Variants in GRIN2A observed in about 807,000 individuals in gnomAD.
GRIN2A encodes the protein glutamate receptor ionotropic, NMDA 2A.
GRIN2A carries 22 observed loss-of-function variants against 113.4 expected under a neutral mutation model. The ratio of observed to expected loss-of-function variants is 0.19; its 90% CI spans 0.14 to 0.28. GRIN2A has a LOEUF of 0.28. Ranked by LOEUF, GRIN2A falls within the 10% of genes least tolerant of loss-of-function variation. The pLI is 1.00. For missense variants in GRIN2A, 1,502 were observed against 1,887.0 expected (o/e 0.80, Z 3.78); for synonymous variants, 827 against 738.4 (o/e 1.12, Z -1.94).
At chr16:9,864,273 C>T (rs966156560) in intron 4 of GRIN2A, among the ~76,000 whole-genome samples, 3 of 152,008 alleles carry the variant, frequency 2.0e-5, no homozygotes, top group South Asian at 2.1e-4. Context: ...AGCAAACTTG[C>T]CAATAAGAGT....
intron 2 of GRIN2A, among the ~76,000 whole-genome samples, chr16:10,019,384 C>T (rs914635155): frequency 1.3e-5 from 2 of 152,142 alleles, no homozygotes; most frequent in Non-Finnish European, 2.9e-5. Context: ...CACAGTCTGG[C>T]ATACAGCAGA....
In GRIN2A at chr16:9,908,755, C is replaced by G. The variant is rs367956265; in HGVS notation, c.1008-17655G>C. Among the ~76,000 whole-genome samples, 80 of 152,292 alleles carry G rather than the reference C, an allele frequency of 5.3e-4. 2 individuals carry two copies. In the South Asian group the frequency reaches 0.016, roughly 30 times the overall value. ...GTGGGAGGAGATCCTCACGTCAGTA[C>G]GATGAGAGCAAGAGAGAGTGGCAAG... On this transcript the variant is annotated intron_variant, in intron 3 of 12. Coordinates refer to ENST00000330684, the MANE Select transcript of GRIN2A (RefSeq NM_001134407.3).
At chr16:10,179,733 T>A in intron 2 of GRIN2A, 1 of 521,910 alleles carries the variant, frequency 1.9e-6, no homozygotes, top group East Asian at 3.4e-5. Context: ...AGCCTACTTC[T>A]CAGTTTTCTG....
chr16:10,146,926 A>G (rs2049452452), intron 2 of GRIN2A, among the ~76,000 whole-genome samples: 1 of 152,036 alleles, frequency 6.6e-6, no homozygotes, highest in Non-Finnish European at 1.5e-5. Flanking sequence ...CCCTCTTGCT[A>G]CTACCTACAC....
chr16:10,157,865 G>GT (rs1555488703), intron 2 of GRIN2A, among the ~76,000 whole-genome samples: 2 of 151,762 alleles, frequency 1.3e-5, no homozygotes, highest in South Asian at 2.1e-4. Context: ...TTTATTTTTG[G>GT]TTTTTTTACT....
chr16:9,856,885 AC>A (rs1296014682), intron 4 of GRIN2A, among the ~76,000 whole-genome samples: 1 of 152,040 alleles, frequency 6.6e-6, no homozygotes, highest in Non-Finnish European at 1.5e-5. Flanking sequence ...TTTCTGCTGA[AC>A]AAAAAAAAAA....
intron 2 of GRIN2A, among the ~76,000 whole-genome samples, chr16:10,142,692 C>T (rs1596548461): frequency 1.3e-5 from 2 of 152,334 alleles, no homozygotes; most frequent in South Asian, 4.1e-4. Context: ...GAGCAAGACT[C>T]TGTCTCTAAA....
At chr16:9,972,974 T>C (rs919127127) in intron 2 of GRIN2A, among the ~76,000 whole-genome samples, 1 of 152,200 alleles carries the variant, frequency 6.6e-6, no homozygotes, top group African/African-American at 2.4e-5. Context: ...GGAGTTCTGA[T>C]TGGCTGTCTG....
intron 2 of GRIN2A, among the ~76,000 whole-genome samples, chr16:10,134,597 G>A (rs1345326670): frequency 6.6e-6 from 1 of 152,056 alleles, no homozygotes; most frequent in Non-Finnish European, 1.5e-5. Context: ...TGCACATTGT[G>A]CACATGTACC....
chr16:9,931,816 CAT>C (rs1347389730), intron 3 of GRIN2A, among the ~76,000 whole-genome samples: 2 of 152,318 alleles, frequency 1.3e-5, no homozygotes, highest in African/African-American at 4.8e-5. Context: ...TACCCATGTA[CAT>C]ATATGTGTGC....
At chr16:9,839,635 T>C (rs2042639380) in intron 7 of GRIN2A, among the ~76,000 whole-genome samples, 2 of 152,196 alleles carry the variant, frequency 1.3e-5, no homozygotes, top group African/African-American at 4.8e-5. Flanking sequence ...GGATGGAGGA[T>C]GGATATGTAG....
chr16:10,097,853 C>T (rs186661218), intron 2 of GRIN2A, among the ~76,000 whole-genome samples: 8 of 152,214 alleles, frequency 5.3e-5, no homozygotes, highest in South Asian at 4.2e-4. Flanking sequence ...GAAGGTAACA[C>T]GGGAAAATCC....
At chr16:9,783,195 T>C (rs1902030014) in intron 11 of GRIN2A, among the ~76,000 whole-genome samples, 1 of 152,220 alleles carries the variant, frequency 6.6e-6, no homozygotes, top group Non-Finnish European at 1.5e-5. Flanking sequence ...GGAGCAATAA[T>C]GAAATCCACA....
chr16:9,788,171 CCTT>C (rs1355126855), intron 11 of GRIN2A, among the ~76,000 whole-genome samples: 7 of 152,172 alleles, frequency 4.6e-5, no homozygotes, highest in Admixed American at 1.3e-4. Context: ...CTCTCCCACT[CCTT>C]CTTTCTTTGC....
At chr16:9,885,524 A>G (rs1192892113) in intron 4 of GRIN2A, among the ~76,000 whole-genome samples, 2 of 152,220 alleles carry the variant, frequency 1.3e-5, no homozygotes, top group South Asian at 2.1e-4. Context: ...CCAGCCACCT[A>G]CAAAGGCCTG....
At chr16:9,766,976 G>A (rs1305658009) in intron 12 of GRIN2A, among the ~76,000 whole-genome samples, 1 of 152,174 alleles carries the variant, frequency 6.6e-6, no homozygotes, top group East Asian at 1.9e-4. Flanking sequence ...GGCTTCCTTA[G>A]CAGTGTTTTA....
intron 10 of GRIN2A, among the ~76,000 whole-genome samples, chr16:9,818,969 A>G (rs2042233100): frequency 6.6e-6 from 1 of 152,148 alleles, no homozygotes; most frequent in African/African-American, 2.4e-5. Context: ...TAAATGTCCA[A>G]CAATAGAGGC....
intron 10 of GRIN2A, among the ~76,000 whole-genome samples, chr16:9,813,240 A>G (rs1286661605): frequency 1.3e-5 from 2 of 152,260 alleles, no homozygotes; most frequent in Non-Finnish European, 2.9e-5. Flanking sequence ...GTGGAAACTA[A>G]ACAACAGAAC....
chr16:10,124,476 CTCTT>C, intron 2 of GRIN2A, among the ~76,000 whole-genome samples: 1 of 137,950 alleles, frequency 7.2e-6, no homozygotes, highest in East Asian at 2.0e-4. Flanking sequence ...GCCTTGATAA[CTCTT>C]TGTTTATCCG....
Sources: allele counts gnomAD v4.1 joint callset (sites outside exome capture counted in the v4.1 genomes callset), GRCh38; gene constraint gnomAD v4.1.1; transcripts MANE v1.5; gene names NCBI Gene and HGNC (gene_info 2026-07-23, HGNC 2026-07-21).